GRIK1: variants seen among roughly 807,000 people sequenced by gnomAD.
The protein encoded by GRIK1 is glutamate receptor ionotropic, kainate 1.
GRIK1 carries 69 observed loss-of-function variants against 105.7 expected under a neutral mutation model. The ratio of observed to expected loss-of-function variants is 0.65; its 90% confidence interval spans 0.54 to 0.80. The LOEUF is 0.80. Among genes scored for constraint, GRIK1 ranks in the 30% least tolerant of loss-of-function variants. The probability of loss-of-function intolerance (pLI) is 0.00; values close to 1 mark genes in which losing one functional copy is unlikely to be tolerated. For synonymous variants in GRIK1, 438 were observed against 431.3 expected (o/e 1.02, Z -0.19); for missense variants, 1,109 against 1,167.3 (o/e 0.95, Z 0.73).
chr21:29,775,391 T>C (rs1216453181), intron 1 of GRIK1, among the ~76,000 whole-genome samples: 3 of 152,098 alleles, frequency 2.0e-5, no homozygotes, highest in Admixed American at 1.3e-4. Context: ...TATAGACTTG[T>C]AGTACTAGAG....
chr21:29,656,354 C>CAAAAAAAAAAAAAAAAAAAAAAAAAAA (rs3054331), intron 4 of GRIK1, among the ~76,000 whole-genome samples: 1 of 51,130 alleles, frequency 2.0e-5, no homozygotes, highest in African/African-American at 5.3e-5. Flanking sequence ...GAGCGAGACT[C>CAAAAAAAAAAAAAAAAAAAAAAAAAAA]AAAAAAAAAA....
intron 14 of GRIK1, among the ~76,000 whole-genome samples, chr21:29,571,390 C>T (rs2090746252): frequency 6.6e-6 from 1 of 151,914 alleles, no homozygotes; most frequent in South Asian, 2.1e-4. Context: ...ACTTAGTTCC[C>T]TCAGCCTTAT....
chr21:29,712,808 T>C (rs2064090102), intron 1 of GRIK1, among the ~76,000 whole-genome samples: 1 of 152,226 alleles, frequency 6.6e-6, no homozygotes, highest in African/African-American at 2.4e-5. Context: ...TAATGTCTTG[T>C]AACTTCTTTT....
chr21:29,894,689 C>T (rs1471593587), intron 1 of GRIK1, among the ~76,000 whole-genome samples: 1 of 152,146 alleles, frequency 6.6e-6, no homozygotes, highest in Non-Finnish European at 1.5e-5. Flanking sequence ...CTTATAAACA[C>T]ACTGCTCAAC....
chr21:29,693,902 G>A lies in GRIK1; in HGVS notation c.280C>T (p.Arg94Trp), dbSNP rs2063635070. The A allele has an allele frequency of 2.5e-6, 4 of 1,610,632 alleles. No individual in the cohort carries two copies. Among genetic ancestry groups the A allele is most frequent in the East Asian group, 2.2e-5 (1 of 44,850 alleles). Reference protein sequence around the residue: ...INLFDSFEASRRACDQLALGV... With the variant: ...INLFDSFEASWRACDQLALGV... Reference sequence around the variant, plus strand: ...AAAGTGGGAAAATAGTTACCTCTCCGCGAGGCTTCAAAACTATCAAAAAGG... The same window carrying A: ...AAAGTGGGAAAATAGTTACCTCTCCACGAGGCTTCAAAACTATCAAAAAGG... The change falls in exon 2 of 18, where the codon CGG becomes TGG. Residue 94 changes from arginine (R) to tryptophan (W), a missense_variant. By Grantham distance (101) the Arg-to-Trp change is moderately radical. Transcript: ENST00000327783.
At chr21:29,727,767 A>G (rs1476260276) in intron 1 of GRIK1, among the ~76,000 whole-genome samples, 4 of 152,216 alleles carry the variant, frequency 2.6e-5, no homozygotes, top group African/African-American at 9.6e-5. Flanking sequence ...TGGGATATAA[A>G]TAGATAGAAT....
intron 8 of GRIK1, chr21:29,596,825 T>A: frequency 2.0e-6 from 1 of 501,320 alleles, no homozygotes; most frequent in South Asian, 2.1e-5. Flanking sequence ...AGAAATGCCT[T>A]AAAGTGCTTT....
At chr21:29,913,672 AAT>A (rs60924907) in intron 1 of GRIK1, among the ~76,000 whole-genome samples, 32,445 of 144,352 alleles carry the variant, frequency 0.22, 4,315 homozygotes, top group African/African-American at 0.38. Context: ...AGAAACACTA[AAT>A]ATATATATAT....
At chr21:29,784,516 T>TA (rs1000761949) in intron 1 of GRIK1, among the ~76,000 whole-genome samples, 6 of 152,052 alleles carry the variant, frequency 3.9e-5, no homozygotes, top group Non-Finnish European at 5.9e-5. Flanking sequence ...GGTTTTTTTT[T>TA]AAAAAAATAT....
chr21:29,843,212 C>T (rs2053033860), intron 1 of GRIK1, among the ~76,000 whole-genome samples: 1 of 152,126 alleles, frequency 6.6e-6, no homozygotes, highest in African/African-American at 2.4e-5. Flanking sequence ...TAATGCCCTC[C>T]AGAGATCCCA....
chr21:29,688,519 G>A (rs2063527409), intron 3 of GRIK1, among the ~76,000 whole-genome samples: 1 of 150,012 alleles, frequency 6.7e-6, no homozygotes, highest in Admixed American at 6.6e-5. Context: ...TTCAACTCTT[G>A]GAGAAAAAAA....
intron 1 of GRIK1, among the ~76,000 whole-genome samples, chr21:29,695,371 T>A (rs1045226961): frequency 3.9e-5 from 6 of 152,170 alleles, no homozygotes; most frequent in Admixed American, 3.9e-4. Context: ...AAGTACATGT[T>A]AACTGATGCT....
Position 29,595,275 on chromosome 21 carries a change from C to A in GRIK1, c.1251+1251G>T, listed in dbSNP as rs562603454. 1.6e-4 allele frequency among the ~76,000 whole-genome samples: 24 copies of A among 151,678 alleles called. No homozygotes were observed. The South Asian group carries it at 5.0e-3, about 32-fold the overall frequency. ...ATAATTTCAAAGCTTGGATTCCATT[C>A]CCTGGGACATTTGTATTAGATTAAT... On this transcript the variant is annotated intron_variant, in intron 9 of 17. Transcript: ENST00000327783.
At chr21:29,846,004 T>C (rs1318887407) in intron 1 of GRIK1, among the ~76,000 whole-genome samples, 2 of 152,272 alleles carry the variant, frequency 1.3e-5, no homozygotes, top group Non-Finnish European at 2.9e-5. Flanking sequence ...TTGTATGCTG[T>C]ATGGTCACTA....
chr21:29,780,787 G>A (rs746257340), intron 1 of GRIK1, among the ~76,000 whole-genome samples: 2 of 152,080 alleles, frequency 1.3e-5, no homozygotes, highest in Non-Finnish European at 2.9e-5. Flanking sequence ...TCAATATTTT[G>A]TAACTAAATC....
intron 1 of GRIK1, among the ~76,000 whole-genome samples, chr21:29,863,516 G>A (rs2068711766): frequency 6.6e-6 from 1 of 151,930 alleles, no homozygotes. Flanking sequence ...ATTTCATTTG[G>A]CATTTAGACA....
intron 3 of GRIK1, among the ~76,000 whole-genome samples, chr21:29,680,923 A>C (rs1055925501): frequency 1.3e-5 from 2 of 152,342 alleles, no homozygotes; most frequent in African/African-American, 4.8e-5. Flanking sequence ...TCACGAGGTC[A>C]GGAGTTCGGG....
rs148712895 is a variant in GRIK1 at position 29,909,431 on chromosome 21, A to G, written c.118+29952T>C. Among the ~76,000 whole-genome samples the G allele has an allele frequency of 1.1e-3, 165 of 151,818 alleles. 1 individual carries two copies. The highest frequency in any genetic ancestry group is 1.7e-3 in the Non-Finnish European group (118 of 67,876). ...CATTAATATGTAATTATGTTACATT[A>G]TGTTCTACTAATTAAATAGAATATT... On this transcript the variant is annotated intron_variant, in intron 1 of 17. Coordinates refer to ENST00000327783, the MANE Select transcript of GRIK1 (RefSeq NM_001330994.2).
intron 1 of GRIK1, among the ~76,000 whole-genome samples, chr21:29,886,049 G>A (rs1210850480): frequency 1.3e-5 from 2 of 152,044 alleles, no homozygotes; most frequent in East Asian, 1.9e-4. Context: ...TTTAGAATGT[G>A]TTATTGCCAA....
Sources: gnomAD v4.1 joint callset for allele counts (sites outside exome capture counted in the v4.1 genomes callset) on GRCh38, gnomAD v4.1.1 for gene constraint, MANE v1.5 for transcripts, NCBI Gene and HGNC (gene_info 2026-07-23, HGNC 2026-07-21) for gene names.